The following CDH2 variants were observed in gnomAD, a reference collection of about 807,000 sequenced individuals.
CDH2 encodes cadherin-2.
Under a neutral mutation model 92.0 loss-of-function variants are expected in CDH2, and 17 were observed. That is an observed-to-expected ratio of 0.18 (90% CI 0.13 to 0.28). CDH2 has a LOEUF of 0.28. CDH2 is among the 10% of genes least tolerant of loss of function. The pLI, the probability that CDH2 is intolerant of heterozygous loss-of-function variation, is 1.00. For missense variants in CDH2, 862 were observed against 1,133.1 expected (o/e 0.76, Z 3.44); for synonymous variants, 419 against 415.9 (o/e 1.01, Z -0.09).
chr18:28,177,081 C>CGGCGGAGGA lies in CDH2; in HGVS notation c.-60_-59insTCCTCCGCC. ...GAGGCGGCGGCGGCGGCGGCGGCGG[C>CGGCGGAGGA]GGAGGAGGAGGAGGCAGCGGCAGCA... On this transcript the variant is annotated 5_prime_UTR_variant, in exon 1 of 16. Transcript: ENST00000269141. The CGGCGGAGGA allele has an allele frequency of 9.5e-7, 1 of 1,053,198 alleles. No individual in the cohort carries two copies. The highest frequency in any genetic ancestry group is 1.7e-5 in the African/African-American group (1 of 57,404). The allele number at this position is 1,053,198 out of a possible 1,614,324, so 65.2% of individuals were successfully genotyped here. A position where few individuals can be genotyped will look rare whatever the true frequency, so the allele number is the denominator to read the frequency against.
At chr18:28,108,214 G>T (rs482950) in intron 2 of CDH2, among the ~76,000 whole-genome samples, 152,250 of 152,312 alleles carry the variant, frequency 1, 76,095 homozygotes, top group Middle Eastern at 1. Context: ...GGCCTCATTT[G>T]CTTTGGATCA....
intron 5 of CDH2, 122 bp downstream of exon 5, chr18:28,009,595 A>T: frequency 1.4e-6 from 1 of 714,798 alleles, no homozygotes; most frequent in Non-Finnish European, 2.1e-6. Flanking sequence ...CCAAAAGACT[A>T]CAGATACAAT....
At chr18:28,154,500 A>G (rs928953789) in intron 1 of CDH2, among the ~76,000 whole-genome samples, 1 of 152,190 alleles carries the variant, frequency 6.6e-6, no homozygotes, top group African/African-American at 2.4e-5. Context: ...TCTAGAGAGG[A>G]CAGAAGTGTA....
chr18:28,063,212 G>C (rs2014439047), intron 2 of CDH2, among the ~76,000 whole-genome samples: 1 of 152,142 alleles, frequency 6.6e-6, no homozygotes, highest in Non-Finnish European at 1.5e-5. Flanking sequence ...TGGGACAAAA[G>C]AAATGCTTAT....
intron 7 of CDH2, among the ~76,000 whole-genome samples, chr18:27,995,874 A>G (rs1255737255): frequency 6.6e-6 from 1 of 152,198 alleles, no homozygotes; most frequent in Non-Finnish European, 1.5e-5. Flanking sequence ...GATTGCTAAA[A>G]CATTCTTATA....
In CDH2 at chr18:27,951,530, C is replaced by A. The variant is rs1183152501; in HGVS notation, c.*623G>T. The A allele has an allele frequency of 6.6e-6, 1 of 151,510 alleles. No individual in the cohort carries two copies. The highest frequency in any genetic ancestry group is 1.5e-5 in the Non-Finnish European group (1 of 68,024). 9.4% of individuals were successfully genotyped at this position (151,510 alleles called of 1,614,324 possible). ...TTAAGACCAAAATGTGTCTAACATT[C>A]TAGTTTATGAAAAAATTCAATTTTG... is the stretch of plus-strand genomic sequence containing the variant. On this transcript the variant is annotated 3_prime_UTR_variant, in exon 16 of 16. Transcript: ENST00000269141.
In CDH2 at chr18:28,005,874, C is replaced by T. The variant is rs752164618; in HGVS notation, c.822G>A (p.Gly274=). ...RPEFLHQVWN[G]TVPEGSKPGT... ...CAGGCTTTGATCCCTCAGGAACTGTCCCATTCCAAACCTGGTGTAAGAACT... is the reference window on the plus strand; with the variant it reads ...CAGGCTTTGATCCCTCAGGAACTGTTCCATTCCAAACCTGGTGTAAGAACT... The change falls in exon 6 of 16, where the codon GGG becomes GGA. Residue 274 remains glycine, a synonymous_variant. Transcript: ENST00000269141. 1.2e-6 allele frequency: 2 copies of T among 1,613,448 alleles called. No homozygotes were observed. The highest frequency in any genetic ancestry group is 1.1e-5 in the South Asian group (1 of 91,016).
At chr18:28,125,636 A>G (rs2144281094) in intron 2 of CDH2, among the ~76,000 whole-genome samples, 1 of 152,132 alleles carries the variant, frequency 6.6e-6, no homozygotes, top group South Asian at 2.1e-4. Context: ...TGGGTTAAAA[A>G]CCCCTAAATC....
intron 2 of CDH2, among the ~76,000 whole-genome samples, chr18:28,060,706 T>A (rs1414168890): frequency 6.6e-6 from 1 of 152,210 alleles, no homozygotes; most frequent in Non-Finnish European, 1.5e-5. Context: ...GGAGACCATT[T>A]GGTAAGACTA....
At chr18:28,133,520 T>G (rs2015808576) in intron 2 of CDH2, among the ~76,000 whole-genome samples, 1 of 141,078 alleles carries the variant, frequency 7.1e-6, no homozygotes, top group Non-Finnish European at 1.5e-5. Flanking sequence ...AGGCGGAGGT[T>G]GCAGTGAGCC....
intron 2 of CDH2, among the ~76,000 whole-genome samples, chr18:28,026,032 A>G (rs1229577757): frequency 1.3e-5 from 2 of 152,166 alleles, no homozygotes; most frequent in Admixed American, 6.5e-5. Context: ...GAAGTCACCA[A>G]TAAGTATTGT....
intron 1 of CDH2, among the ~76,000 whole-genome samples, chr18:28,152,052 C>A (rs972648648): frequency 7.2e-5 from 11 of 152,218 alleles, no homozygotes; most frequent in Admixed American, 3.3e-4. Context: ...AAAAAATATT[C>A]TTGGCCAGAC....
intron 14 of CDH2, among the ~76,000 whole-genome samples, chr18:27,979,815 AC>A (rs2011983005): frequency 6.6e-6 from 1 of 152,074 alleles, no homozygotes; most frequent in Non-Finnish European, 1.5e-5. Context: ...AGGGCAAACC[AC>A]CTGTTTGTGG....
At chr18:28,111,866 GAA>G (rs1010098497) in intron 2 of CDH2, among the ~76,000 whole-genome samples, 16 of 151,936 alleles carry the variant, frequency 1.1e-4, no homozygotes, top group African/African-American at 3.6e-4. Flanking sequence ...TAAATAACAA[GAA>G]AAAAATGTAA....
At chr18:28,036,644 C>G in intron 2 of CDH2, 1 of 853,004 alleles carries the variant, frequency 1.2e-6, no homozygotes, top group East Asian at 2.5e-5. Flanking sequence ...TTCTTTTGAG[C>G]TGACGGAAAT....
At chr18:28,030,694 T>C (rs1289378872) in intron 2 of CDH2, among the ~76,000 whole-genome samples, 1 of 151,876 alleles carries the variant, frequency 6.6e-6, no homozygotes, top group Non-Finnish European at 1.5e-5. Context: ...CTCCAAAGAA[T>C]GGGGCTCGGG....
intron 9 of CDH2, among the ~76,000 whole-genome samples, chr18:27,990,705 G>T (rs778158524): frequency 2.6e-5 from 4 of 152,144 alleles, no homozygotes; most frequent in Non-Finnish European, 5.9e-5. Context: ...GAACATGATG[G>T]TCTAAATGTA....
At chr18:28,027,939 G>GA (rs1204811963) in intron 2 of CDH2, among the ~76,000 whole-genome samples, 1 of 151,544 alleles carries the variant, frequency 6.6e-6, no homozygotes, top group Admixed American at 6.6e-5. Context: ...AGGTGGCGTA[G>GA]AAGCTCCCTT....
chr18:28,106,427 A>G (rs902598872), intron 2 of CDH2, among the ~76,000 whole-genome samples: 12 of 152,086 alleles, frequency 7.9e-5, no homozygotes, highest in Admixed American at 4.6e-4. Flanking sequence ...AAGAAAGAAA[A>G]AAAAAAAAAG....
Sources: gnomAD v4.1 joint callset for allele counts (sites outside exome capture counted in the v4.1 genomes callset) on GRCh38, gnomAD v4.1.1 for gene constraint, MANE v1.5 for transcripts, NCBI Gene and HGNC (gene_info 2026-07-23, HGNC 2026-07-21) for gene names.